Variants in WDR41 observed in about 807,000 individuals in gnomAD.
The protein encoded by WDR41 is WD repeat domain 41.
A neutral mutation model predicts 69.3 loss-of-function variants in WDR41; 63 were observed. The ratio of observed to expected loss-of-function variants is 0.91; its 90% confidence interval spans 0.74 to 1.12. The LOEUF is 1.12. Among genes scored for constraint, WDR41 ranks in the 50% most tolerant of loss-of-function variants. The pLI is 0.00. For missense variants in WDR41, 543 were observed against 534.5 expected (o/e 1.02, Z -0.16); for synonymous variants, 185 against 192.1 (o/e 0.96, Z 0.31).
chr5:77,510,263 A>G (rs928518940), intron 1 of WDR41, among the ~76,000 whole-genome samples: 1 of 152,092 alleles, frequency 6.6e-6, no homozygotes, highest in Non-Finnish European at 1.5e-5. Context: ...CGTTTTTAAA[A>G]CCATCAGATC....
At chr5:77,578,447 A>G (rs190142403) in intron 1 of WDR41, among the ~76,000 whole-genome samples, 3 of 152,320 alleles carry the variant, frequency 2.0e-5, no homozygotes, top group Non-Finnish European at 4.4e-5. Flanking sequence ...AATGCAAGTC[A>G]TACAAAGAAA....
At chr5:77,462,910 C>G (rs1800134193) in intron 4 of WDR41, among the ~76,000 whole-genome samples, 185 bp downstream of exon 4, 1 of 152,122 alleles carries the variant, frequency 6.6e-6, no homozygotes, top group Admixed American at 6.5e-5. Flanking sequence ...AAGCCTTAAC[C>G]TCCTATTTCC....
intron 1 of WDR41, among the ~76,000 whole-genome samples, chr5:77,571,370 G>A (rs987989632): frequency 6.6e-6 from 1 of 151,728 alleles, no homozygotes; most frequent in African/African-American, 2.4e-5. Flanking sequence ...CATGGCGGGA[G>A]GGAAAAAAAT....
intron 1 of WDR41, among the ~76,000 whole-genome samples, chr5:77,490,204 T>C (rs1801710680): frequency 6.6e-6 from 1 of 152,152 alleles, no homozygotes; most frequent in South Asian, 2.1e-4. Flanking sequence ...CCTCAAGTGA[T>C]TCGCCCGCCT....
rs1405457963 is a variant in WDR41 at position 77,490,095 on chromosome 5, G to C, written c.52-523C>G. 3.8e-5 allele frequency among the ~76,000 whole-genome samples: 5 copies of C among 133,318 alleles called. No individual in the cohort carries two copies. In the Admixed American group the frequency reaches 4.0e-4, roughly 11 times the overall value. The allele number at this position is 133,318 out of a possible 152,430, so 87.5% of individuals were successfully genotyped here. On this transcript the variant is annotated intron_variant, in intron 1 of 12. Transcript: ENST00000296679. ...AACTTGATGCTGACATTTTGGGCTA[G>C]AGAATTTTTTTTTTTCGCACCACAC...
At chr5:77,438,606 T>C (rs1394291095) in intron 9 of WDR41, among the ~76,000 whole-genome samples, 4 of 152,204 alleles carry the variant, frequency 2.6e-5, no homozygotes, top group African/African-American at 9.6e-5. Context: ...AGTATATCCC[T>C]TAGCGCCACT....
At chr5:77,534,833 A>G (rs1742935252) in intron 1 of WDR41, among the ~76,000 whole-genome samples, 1 of 152,234 alleles carries the variant, frequency 6.6e-6, no homozygotes, top group South Asian at 2.1e-4. Flanking sequence ...TCCTGCTCTC[A>G]GAGATCAAAG....
intron 2 of WDR41, among the ~76,000 whole-genome samples, chr5:77,465,679 T>C (rs1479836164): frequency 6.6e-6 from 1 of 151,422 alleles, no homozygotes; most frequent in Non-Finnish European, 1.5e-5. Flanking sequence ...TCAGAATCAA[T>C]TTAAAGTTGT....
rs112647176 is a variant in WDR41, at chr5:77,544,384, T to C, written c.43-54812A>G. 3.7e-3 allele frequency among the ~76,000 whole-genome samples: 562 copies of C among 152,066 alleles called. 6 individuals are homozygous for C. Among genetic ancestry groups the C allele is most frequent in the African/African-American group, 0.013 (524 of 41,440 alleles). The stretch of plus-strand genomic sequence containing the variant: ...ACTTAAAAGATACAGAATCGTGAAA[T>C]GGATAAGAAGTCACCAACCATCTGC... On this transcript the variant is annotated intron_variant, in intron 1 of 5. Coordinates refer to the WDR41 transcript ENST00000509971.
chr5:77,456,618 A>C (rs547043147), intron 5 of WDR41, among the ~76,000 whole-genome samples: 5 of 152,302 alleles, frequency 3.3e-5, no homozygotes, highest in African/African-American at 1.2e-4. Context: ...ACAATGTTAA[A>C]CAGATGTGCT....
chr5:77,475,383 A>G (rs907458388), intron 2 of WDR41, among the ~76,000 whole-genome samples: 6 of 152,190 alleles, frequency 3.9e-5, no homozygotes, highest in East Asian at 1.9e-4. Context: ...CAGACAAACA[A>G]AAAGACAGCA....
chr5:77,478,619 T>A (rs1460664652), intron 2 of WDR41, among the ~76,000 whole-genome samples: 2 of 152,128 alleles, frequency 1.3e-5, no homozygotes, highest in Non-Finnish European at 2.9e-5. Context: ...TTGACAAAAT[T>A]CAACAACACT....
At chr5:77,542,227 A>G (rs1046606555) in intron 1 of WDR41, among the ~76,000 whole-genome samples, 1 of 152,152 alleles carries the variant, frequency 6.6e-6, no homozygotes, top group Non-Finnish European at 1.5e-5. Flanking sequence ...TGACGAGAAA[A>G]CATGGACACA....
chr5:77,517,657 T>TATATATATATATATATATATATATACAC (rs1491454629), intron 1 of WDR41, among the ~76,000 whole-genome samples: 3 of 136,656 alleles, frequency 2.2e-5, no homozygotes, highest in African/African-American at 8.2e-5. Context: ...TATATATATA[T>TATATATATATATATATATATATATACAC]ACCAGGCTAA....
intron 1 of WDR41, among the ~76,000 whole-genome samples, chr5:77,516,790 G>A (rs943022355): frequency 8.5e-5 from 13 of 152,124 alleles, no homozygotes; most frequent in African/African-American, 3.1e-4. Flanking sequence ...AGGCCGAGGC[G>A]GGTGGATCAC....
intron 8 of WDR41, among the ~76,000 whole-genome samples, chr5:77,441,241 G>A (rs183121823): frequency 2.0e-5 from 3 of 152,178 alleles, no homozygotes; most frequent in African/African-American, 7.2e-5. Context: ...ACCTCATGCT[G>A]GAATATCTGG....
chr5:77,572,781 G>T (rs1407888944), intron 1 of WDR41, among the ~76,000 whole-genome samples: 1 of 152,126 alleles, frequency 6.6e-6, no homozygotes, highest in African/African-American at 2.4e-5. Flanking sequence ...TAGTTGTTTG[G>T]CATTTATTTC....
chr5:77,587,852 G>A (rs1744069075), intron 1 of WDR41, among the ~76,000 whole-genome samples: 1 of 152,204 alleles, frequency 6.6e-6, no homozygotes, highest in Non-Finnish European at 1.5e-5. Context: ...AGGCATGTGT[G>A]CACAGAAGGA....
intron 1 of WDR41, among the ~76,000 whole-genome samples, chr5:77,563,934 C>T (rs1743569252): frequency 6.6e-6 from 1 of 152,142 alleles, no homozygotes; most frequent in Admixed American, 6.6e-5. Context: ...TCTGAAAGAA[C>T]ACATGCTTTG....
Sources: gnomAD v4.1 joint callset for allele counts (sites outside exome capture counted in the v4.1 genomes callset) on GRCh38, gnomAD v4.1.1 for gene constraint, MANE v1.5 for transcripts, NCBI Gene and HGNC (gene_info 2026-07-23, HGNC 2026-07-21) for gene names.